SLC14A2: variants seen among roughly 807,000 people sequenced by gnomAD.
SLC14A2 encodes the protein solute carrier family 14 member 2.
In SLC14A2, 91 loss-of-function variants were observed where a neutral mutation model predicts 104.6. The observed-to-expected ratio is 0.87, with a 90% CI of 0.73 to 1.04. The LOEUF (loss-of-function observed/expected upper bound fraction) is 1.04, where lower values mean the gene tolerates loss of function less well. SLC14A2 is among the 50% of genes least tolerant of loss of function. The pLI is 0.00. For missense variants in SLC14A2, 1,189 were observed against 1,156.0 expected (o/e 1.03, Z -0.41); for synonymous variants, 476 against 466.4 (o/e 1.02, Z -0.27).
chr18:45,435,582 C>G (rs560698459), intron 1 of SLC14A2, among the ~76,000 whole-genome samples: 2 of 152,214 alleles, frequency 1.3e-5, no homozygotes, highest in East Asian at 3.9e-4. Flanking sequence ...CTTATTTTTA[C>G]ACTAAGAATA....
chr18:45,605,069 A>G (rs2144422990), intron 2 of SLC14A2, among the ~76,000 whole-genome samples: 1 of 152,288 alleles, frequency 6.6e-6, no homozygotes, highest in South Asian at 2.1e-4. Context: ...ATAATACAAT[A>G]TTGATAACCA....
chr18:45,453,748 A>T (rs2086893186), intron 1 of SLC14A2, among the ~76,000 whole-genome samples: 1 of 152,048 alleles, frequency 6.6e-6, no homozygotes, highest in Admixed American at 6.6e-5. Context: ...AGGGACTCAA[A>T]CATGCACATC....
At chr18:45,524,207 A>T (rs1795811085) in intron 2 of SLC14A2, among the ~76,000 whole-genome samples, 1 of 152,204 alleles carries the variant, frequency 6.6e-6, no homozygotes, top group African/African-American at 2.4e-5. Flanking sequence ...AGACTGTGAG[A>T]CTTGACTGTT....
rs746751573 is a variant in SLC14A2 at position 45,669,367 on chromosome 18, C to A, written c.2098C>A (p.Leu700Met). ...FSKWDLPVFT[L>M]PFNITVTLYL... is the part of the protein sequence containing the mutation. ...CAAGTGGGACCTCCCAGTCTTCACA[C>A]TGCCCTTCAATATCACTGTGACTTT... Residue 700 changes from leucine (L) to methionine (M), a missense_variant, in exon 16 of 20, where the codon CTG (leucine) becomes ATG (methionine). By Grantham distance (15) the Leu-to-Met change is conservative. Transcript: ENST00000255226. The A allele has an allele frequency of 1.9e-6, 3 of 1,614,026 alleles. No individual in the cohort carries two copies. The highest frequency in any genetic ancestry group is 2.5e-6 in the Non-Finnish European group (3 of 1,179,970).
chr18:45,334,989 C>T (rs2085325288), intron 1 of SLC14A2, among the ~76,000 whole-genome samples: 1 of 152,176 alleles, frequency 6.6e-6, no homozygotes, highest in Non-Finnish European at 1.5e-5. Context: ...AATGAGTGTG[C>T]AGTTTTTATT....
chr18:45,371,683 A>G (rs776592277), intron 1 of SLC14A2, among the ~76,000 whole-genome samples: 6 of 152,130 alleles, frequency 3.9e-5, no homozygotes, highest in Non-Finnish European at 8.8e-5. Context: ...TTGCTTACTA[A>G]CTCTCTCCTG....
chr18:45,540,814 C>A (rs900479748), intron 2 of SLC14A2, among the ~76,000 whole-genome samples: 21 of 152,098 alleles, frequency 1.4e-4, no homozygotes, highest in Non-Finnish European at 5.9e-5. Flanking sequence ...GGGACATCTT[C>A]CCTCCCTTCT....
intron 1 of SLC14A2, among the ~76,000 whole-genome samples, chr18:45,358,761 T>G (rs1373730055): frequency 2.0e-5 from 3 of 152,134 alleles, no homozygotes; most frequent in East Asian, 3.9e-4. Context: ...GTATTTTTTT[T>G]GCAAAGATGG....
At chr18:45,306,373 C>T (rs1315940341) in intron 1 of SLC14A2, among the ~76,000 whole-genome samples, 1 of 152,176 alleles carries the variant, frequency 6.6e-6, no homozygotes, top group Non-Finnish European at 1.5e-5. Context: ...ATATCTTCAA[C>T]ATTTTTCTGT....
rs770554499 is a variant in SLC14A2 at position 45,641,295 on chromosome 18, A to G, written c.1078A>G (p.Met360Val). 3.1e-6 allele frequency: 5 copies of G among 1,614,066 alleles called. No homozygotes were observed. Among genetic ancestry groups the G allele is most frequent in the Non-Finnish European group, 4.2e-6 (5 of 1,180,030 alleles). The change falls in exon 8 of 20, where the codon ATG becomes GTG. Residue 360 changes from methionine to valine, a missense_variant. Met to Val is a conservative substitution (Grantham distance 21). Coordinates refer to ENST00000255226, the MANE Select transcript of SLC14A2 (RefSeq NM_007163.4). Reference sequence around the variant, plus strand: ...CCTCTCCTGCATCGCCATCGGAGGCATGTTCTATGCCCTCACCTGGCAGAC... The same window carrying G: ...CCTCTCCTGCATCGCCATCGGAGGCGTGTTCTATGCCCTCACCTGGCAGAC... ...CVLSCIAIGG[M>V]FYALTWQTHL...
chr18:45,554,231 T>C (rs903843968), intron 2 of SLC14A2, among the ~76,000 whole-genome samples: 1 of 152,122 alleles, frequency 6.6e-6, no homozygotes, highest in Non-Finnish European at 1.5e-5. Flanking sequence ...AAAGCAGTAA[T>C]TTACAAGAGT....
At chr18:45,560,173 A>G (rs1422250118) in intron 2 of SLC14A2, among the ~76,000 whole-genome samples, 1 of 152,142 alleles carries the variant, frequency 6.6e-6, no homozygotes, top group Non-Finnish European at 1.5e-5. Context: ...ATATATTTGG[A>G]TAGCACCCAG....
chr18:45,657,372 A>C (rs769380569), intron 10 of SLC14A2, among the ~76,000 whole-genome samples: 3 of 151,852 alleles, frequency 2.0e-5, no homozygotes, highest in Non-Finnish European at 2.9e-5. Context: ...CTGTAGTCCC[A>C]GCTACTCAGG....
intron 19 of SLC14A2, among the ~76,000 whole-genome samples, 188 bp from the exon 20 acceptor site, chr18:45,682,131 G>T (rs551565803): frequency 2.0e-5 from 3 of 152,318 alleles, no homozygotes; most frequent in South Asian, 4.2e-4. Context: ...TTTGAAAACT[G>T]TGCATTCACC....
intron 1 of SLC14A2, among the ~76,000 whole-genome samples, chr18:45,264,655 G>A (rs2084573702): frequency 6.6e-6 from 1 of 152,100 alleles, no homozygotes; most frequent in African/African-American, 2.4e-5. Flanking sequence ...AGAGACAACC[G>A]GAAGGGGAAG....
chr18:45,648,752 GT>G (rs1416754079), intron 10 of SLC14A2, among the ~76,000 whole-genome samples: 1 of 151,318 alleles, frequency 6.6e-6, no homozygotes, highest in Non-Finnish European at 1.5e-5. Context: ...TAATATACTA[GT>G]TTTTTTCTTT....
At chr18:45,602,828 C>G (rs1391098152) in intron 2 of SLC14A2, among the ~76,000 whole-genome samples, 4 of 152,220 alleles carry the variant, frequency 2.6e-5, no homozygotes, top group Non-Finnish European at 5.9e-5. Flanking sequence ...TGACTGAACT[C>G]ATTCAAATTC....
At chr18:45,391,644 T>A (rs904309162) in intron 1 of SLC14A2, among the ~76,000 whole-genome samples, 40 of 152,332 alleles carry the variant, frequency 2.6e-4, no homozygotes, top group African/African-American at 7.0e-4. Context: ...GGTATCTCAT[T>A]GTGGTTTTGA....
At position 45,667,024 on chromosome 18, in the gene SLC14A2, T is replaced by C. The variant is rs776946284; in HGVS notation, c.1647T>C (p.Ser549=). 6.2e-7 allele frequency: 1 copy of C among 1,613,754 alleles called. No homozygotes were observed. The highest frequency in any genetic ancestry group is 1.1e-5 in the South Asian group (1 of 91,050). Residue 549 remains serine, a synonymous_variant, in exon 13 of 20, where the codon AGT becomes AGC. Transcript: ENST00000255226. ...TSWIRSSMAA[S]GKRVSKALSY... is the part of the protein sequence containing the mutation. The stretch of plus-strand genomic sequence containing the variant: ...GGATTCGGAGTTCCATGGCTGCCAG[T>C]GGGAAAAGGGTCAGCAAAGCCCTCA...
Sources: gnomAD v4.1 joint callset for allele counts (sites outside exome capture counted in the v4.1 genomes callset) on GRCh38, gnomAD v4.1.1 for gene constraint, MANE v1.5 for transcripts, NCBI Gene and HGNC (gene_info 2026-07-23, HGNC 2026-07-21) for gene names.